The following ARHGAP28 variants were observed in gnomAD, a reference collection of about 807,000 sequenced individuals.
ARHGAP28 encodes rho GTPase-activating protein 28.
In ARHGAP28, 56 loss-of-function variants were observed where a neutral mutation model predicts 90.7. That is an observed-to-expected ratio of 0.62 (90% confidence interval 0.50 to 0.77). The LOEUF (loss-of-function observed/expected upper bound fraction) is 0.77, where lower values mean the gene tolerates loss of function less well. ARHGAP28 is among the 30% of genes least tolerant of loss of function. The probability of loss-of-function intolerance (pLI) is 0.00; values close to 1 mark genes in which losing one functional copy is unlikely to be tolerated. For missense variants in ARHGAP28, 869 were observed against 900.9 expected, an observed-to-expected ratio of 0.96 and a Z score of 0.45; for synonymous variants, 308 against 323.3, an observed-to-expected ratio of 0.95 and a Z score of 0.51.
chr18:6,844,206 T>C (rs1303157364), intron 3 of ARHGAP28, among the ~76,000 whole-genome samples: 1 of 152,212 alleles, frequency 6.6e-6, no homozygotes, highest in Non-Finnish European at 1.5e-5. Context: ...TATATATACA[T>C]TTGGCTGCAC....
intron 1 of ARHGAP28, among the ~76,000 whole-genome samples, chr18:6,759,508 T>C (rs867341806): frequency 1.4e-4 from 22 of 152,340 alleles, no homozygotes; most frequent in Middle Eastern, 3.4e-3. Context: ...TAAAATATGG[T>C]TGGTTCGTTT....
intron 17 of ARHGAP28, among the ~76,000 whole-genome samples, chr18:6,910,725 G>C (rs1281639234): frequency 4.6e-5 from 7 of 152,032 alleles, no homozygotes; most frequent in Admixed American, 4.6e-4. Context: ...CTTAGACATG[G>C]CTGTAAACCC....
chr18:6,908,930 A>G (rs1310411800), intron 16 of ARHGAP28, 30 bp from the exon 17 acceptor site: 2 of 1,363,880 alleles, frequency 1.5e-6, no homozygotes, highest in Admixed American at 1.9e-5. Context: ...AAAAAGTACT[A>G]AAATTATATT....
chr18:6,833,268 G>C (rs944091955), intron 2 of ARHGAP28, among the ~76,000 whole-genome samples: 14 of 151,852 alleles, frequency 9.2e-5, no homozygotes, highest in Non-Finnish European at 2.1e-4. Context: ...GCCATTCGCT[G>C]TATAATCACA....
rs1345530783 is a variant in ARHGAP28 at position 6,912,128 on chromosome 18, G to T, written c.2164G>T (p.Val722Leu). The change falls in exon 18 of 18, where the codon GTG (valine) becomes TTG (leucine). Residue 722 changes from valine to leucine, a missense_variant. By Grantham distance (32) the Val-to-Leu change is conservative. Coordinates refer to ENST00000383472, the MANE Select transcript of ARHGAP28 (RefSeq NM_001366230.1). ...TCGTATAAATCCTCAAGCAGAATGG[G>T]TGATTAAACCCCAACAAAGTTCTTA... ...VYRINPQAEW[V>L]IKPQQSS 2 of 1,607,146 alleles carry T rather than the reference G, an allele frequency of 1.2e-6. No individual in the cohort carries two copies. The highest frequency in any genetic ancestry group is 4.5e-5 in the East Asian group (2 of 44,764).
At chr18:6,787,596 C>G (rs976559248) in intron 1 of ARHGAP28, among the ~76,000 whole-genome samples, 3 of 152,146 alleles carry the variant, frequency 2.0e-5, no homozygotes, top group Admixed American at 2.0e-4. Context: ...AGCATAATGC[C>G]TGTGGCACAG....
chr18:6,866,298 T>G (rs1420340057), intron 5 of ARHGAP28, among the ~76,000 whole-genome samples: 3 of 152,168 alleles, frequency 2.0e-5, no homozygotes, highest in Non-Finnish European at 4.4e-5. Flanking sequence ...CTCTCCTGAT[T>G]AATTTATTTC....
intron 1 of ARHGAP28, among the ~76,000 whole-genome samples, chr18:6,755,051 T>G (rs2143284986): frequency 6.6e-6 from 1 of 152,126 alleles, no homozygotes. Flanking sequence ...TACTTGTCTG[T>G]AATCCCAGCT....
At chr18:6,876,074 C>A (rs2057128757) in intron 9 of ARHGAP28, 57 bp from the exon 10 acceptor site, 2 of 1,313,902 alleles carry the variant, frequency 1.5e-6, no homozygotes, top group Non-Finnish European at 1.1e-6. Context: ...GTTACTGTTT[C>A]ATATGTTTAT....
chr18:6,896,716 T>C, intron 16 of ARHGAP28, 90 bp downstream of exon 16: 1 of 1,482,794 alleles, frequency 6.7e-7, no homozygotes, highest in Non-Finnish European at 9.1e-7. Flanking sequence ...TTTGACCTTT[T>C]GTAAAATATA....
At chr18:6,801,941 T>C (rs558376441) in intron 1 of ARHGAP28, among the ~76,000 whole-genome samples, 10 of 152,188 alleles carry the variant, frequency 6.6e-5, no homozygotes, top group Non-Finnish European at 1.3e-4. Flanking sequence ...CTCTGGTAAC[T>C]ACCAGTCTAC....
At chr18:6,861,572 A>G (rs1242495402) in intron 5 of ARHGAP28, among the ~76,000 whole-genome samples, 1 of 152,072 alleles carries the variant, frequency 6.6e-6, no homozygotes, top group Non-Finnish European at 1.5e-5. Flanking sequence ...AGCATTTTGT[A>G]CAAGCAGCAG....
chr18:6,844,247 T>C (rs2056848921), intron 3 of ARHGAP28, among the ~76,000 whole-genome samples: 3 of 152,240 alleles, frequency 2.0e-5, no homozygotes, highest in Admixed American at 6.5e-5. Flanking sequence ...TAATGTGTTA[T>C]ACAAATATGA....
chr18:6,894,956 C>A, intron 15 of ARHGAP28, 65 bp downstream of exon 15: 1 of 1,420,976 alleles, frequency 7.0e-7, no homozygotes, highest in South Asian at 1.2e-5. Flanking sequence ...GCGACATCCA[C>A]CACATTTATG....
At chr18:6,839,580 A>C (rs971900075) in intron 3 of ARHGAP28, among the ~76,000 whole-genome samples, 25 of 152,296 alleles carry the variant, frequency 1.6e-4, no homozygotes, top group African/African-American at 5.5e-4. Flanking sequence ...TACAGGCGTG[A>C]GCCACTGCGC....
chr18:6,776,012 A>G (rs1243676720), intron 1 of ARHGAP28, among the ~76,000 whole-genome samples: 1 of 152,168 alleles, frequency 6.6e-6, no homozygotes, highest in Admixed American at 6.5e-5. Flanking sequence ...AAAATGAACA[A>G]CACTTAGCCT....
chr18:6,829,140 A>G (rs12607931), intron 2 of ARHGAP28, among the ~76,000 whole-genome samples: 2 of 152,344 alleles, frequency 1.3e-5, no homozygotes, highest in East Asian at 3.9e-4. Flanking sequence ...TCTTACTCCT[A>G]TTACTTGCTT....
chr18:6,789,835 G>GC (rs1555626854), intron 1 of ARHGAP28: 3 of 146,770 alleles, frequency 2.0e-5, no homozygotes, highest in African/African-American at 7.5e-5. Flanking sequence ...TTGTTTTTTT[G>GC]TTTTTTTTTT....
At chr18:6,845,372 A>T (rs1301750991) in intron 3 of ARHGAP28, among the ~76,000 whole-genome samples, 1 of 152,174 alleles carries the variant, frequency 6.6e-6, no homozygotes, top group Non-Finnish European at 1.5e-5. Context: ...CAGTTATTTT[A>T]TAAAGGTAAA....
Sources: gnomAD v4.1 joint callset for allele counts (sites outside exome capture counted in the v4.1 genomes callset) on GRCh38, gnomAD v4.1.1 for gene constraint, MANE v1.5 for transcripts, NCBI Gene and HGNC (gene_info 2026-07-23, HGNC 2026-07-21) for gene names.